The following ODAD1 variants were observed in gnomAD, a reference collection of about 807,000 sequenced individuals.
The protein encoded by ODAD1 is outer dynein arm docking complex subunit 1.
In ODAD1, 49 loss-of-function variants were observed where a neutral mutation model predicts 67.2. The ratio of observed to expected loss-of-function variants is 0.73; its 90% confidence interval spans 0.58 to 0.92. The LOEUF (loss-of-function observed/expected upper bound fraction) is 0.92. ODAD1 is among the 40% of genes least tolerant of loss of function. The pLI, the probability that ODAD1 is intolerant of heterozygous loss-of-function variation, is 0.00. For synonymous variants in ODAD1, 345 were observed against 393.7 expected (o/e 0.88, Z 1.46); for missense variants, 897 against 953.7 (o/e 0.94, Z 0.78).
chr19:48,318,343 C>A, intron 5 of ODAD1, 44 bp downstream of exon 5: 1 of 1,514,414 alleles, frequency 6.6e-7, no homozygotes. Flanking sequence ...GGTTACAACA[C>A]TTGCCCGTAA....
At chr19:48,311,843 T>C (rs1460110524) in intron 6 of ODAD1, 151 bp downstream of exon 6, 1 of 815,254 alleles carries the variant, frequency 1.2e-6, no homozygotes, top group Non-Finnish European at 1.9e-6. Context: ...CCCATCATTC[T>C]CCTTTCCTTG....
Position 48,301,531 on chromosome 19 carries a change from TTTTGGTAACTAAGACTAAGAAGAAA to T in ODAD1, c.1240+1138_1240+1162del, listed in dbSNP as rs752584680. Among the ~76,000 whole-genome samples, 7 of 152,340 alleles carry T rather than the reference TTTTGGTAACTAAGACTAAGAAGAAA, an allele frequency of 4.6e-5. No homozygotes were observed. The South Asian group carries it at 6.2e-4, about 14-fold the overall frequency. ...TCATTTTCTTTACAAATAATAACAT[TTTTGGTAACTAAGACTAAGAAGAAA>T]TTTGGTAACTAAGACTAAGAAGAAA... On this transcript the variant is annotated intron_variant, in intron 12 of 15. Coordinates refer to ENST00000674294, the MANE Select transcript of ODAD1 (RefSeq NM_001364171.2).
rs776150959 is a variant in ODAD1, at chr19:48,298,270, G to A, written c.1311C>T (p.Thr437=). 6.2e-7 allele frequency: 1 copy of A among 1,614,170 alleles called. No homozygotes were observed. ...SMIDDLLGVK[T]SMGDRDMGLF... is the part of the protein sequence containing the mutation. ...GGCCCATGTCCCGGTCTCCCATGCT[G>A]GTCTTGACCCCAAGGAGGTCATCGA... Residue 437 remains threonine (T), a synonymous_variant, in exon 13 of 16, where the codon ACC becomes ACT. Transcript: ENST00000674294.
In ODAD1 at chr19:48,302,713, C is replaced by T; in HGVS notation, c.1221G>A (p.Gln407=). The T allele has an allele frequency of 6.2e-7, 1 of 1,611,298 alleles. No individual in the cohort carries two copies. The highest frequency in any genetic ancestry group is 8.5e-7 in the Non-Finnish European group (1 of 1,179,878). Residue 407 remains glutamine, a synonymous_variant, in exon 12 of 16, where the codon CAG becomes CAA. Coordinates refer to ENST00000674294, the MANE Select transcript of ODAD1 (RefSeq NM_001364171.2). The part of the protein sequence containing the change: ...LEARFQDVRG[Q]LEKLKADIQL... ...GCTCACCAGCCTTGAGCTTCTCCAGCTGTCCCCGCACATCCTGGAAGCGGG... is the reference window on the plus strand; with the variant it reads ...GCTCACCAGCCTTGAGCTTCTCCAGTTGTCCCCGCACATCCTGGAAGCGGG...
intron 8 of ODAD1, 85 bp downstream of exon 8, chr19:48,306,171 C>A: frequency 1.3e-6 from 2 of 1,538,268 alleles, no homozygotes; most frequent in Non-Finnish European, 1.8e-6. Flanking sequence ...TTTCATGAGT[C>A]CTGAACCTTC....
In ODAD1 at chr19:48,306,351, G is replaced by A. The variant is rs1361928813; in HGVS notation, c.598-28C>T. The A allele has an allele frequency of 5.2e-6, 8 of 1,537,476 alleles. No individual in the cohort carries two copies. In the South Asian group the frequency reaches 7.2e-5, roughly 14 times the overall value. On this transcript the variant is annotated intron_variant, in intron 7 of 15. Coordinates refer to ENST00000674294, the MANE Select transcript of ODAD1 (RefSeq NM_001364171.2). ...GTGGGGGGAGGAGAAAAAAATCAGT[G>A]CCACTTCTTACAACCCCATTGCTCG...
intron 8 of ODAD1, among the ~76,000 whole-genome samples, chr19:48,304,629 AAAGAC>A (rs1037709340): frequency 1.3e-5 from 2 of 152,004 alleles, no homozygotes; most frequent in Non-Finnish European, 2.9e-5. Context: ...AAAAAAAAAA[AAAGAC>A]AGAAGCAAGA....
Position 48,318,395 on chromosome 19 carries a change from C to A in ODAD1, c.352G>T (p.Asp118Tyr). The stretch of plus-strand genomic sequence containing the variant: ...CACCTCTCAAACCCCACCTGCTTGT[C>A]CAGGGCCCTGGTCTGCTCCTGCAGC... ...EELQEQTRAL[D>Y]KQIQEWETRI... Residue 118 changes from aspartate (D) to tyrosine (Y), a missense_variant, in exon 5 of 16, where the codon GAC becomes TAC. Physicochemically the swap from Asp to Tyr is radical, Grantham distance 160. Transcript: ENST00000674294. The A allele has an allele frequency of 6.4e-7, 1 of 1,551,272 alleles. No individual in the cohort carries two copies. The highest frequency in any genetic ancestry group is 8.7e-7 in the Non-Finnish European group (1 of 1,146,754).
chr19:48,303,359 C>T, intron 10 of ODAD1: 1 of 604,970 alleles, frequency 1.7e-6, no homozygotes, highest in Non-Finnish European at 2.9e-6. Flanking sequence ...TGGGGAGATG[C>T]AGGCGGGGAG....
intron 3 of ODAD1, among the ~76,000 whole-genome samples, chr19:48,319,169 C>T (rs752032461): frequency 3.9e-5 from 6 of 152,046 alleles, no homozygotes; most frequent in Non-Finnish European, 8.8e-5. Flanking sequence ...CCCTCAGCCC[C>T]ATCCTCTTGC....
intron 8 of ODAD1, among the ~76,000 whole-genome samples, chr19:48,305,921 C>T (rs1329711965): frequency 1.3e-5 from 2 of 151,796 alleles, no homozygotes; most frequent in Admixed American, 6.6e-5. Context: ...TAGCCAGCCA[C>T]GGTGCCGGGC....
intron 5 of ODAD1, among the ~76,000 whole-genome samples, chr19:48,315,366 G>A (rs995959550): frequency 3.3e-5 from 5 of 152,132 alleles, no homozygotes; most frequent in African/African-American, 1.2e-4. Flanking sequence ...CCAACATGGC[G>A]AAACCCCGTC....
chr19:48,321,599 C>CG (rs1569014467), intron 1 of ODAD1, 79 bp downstream of exon 1: 1 of 369,428 alleles, frequency 2.7e-6, no homozygotes, highest in East Asian at 3.8e-5. Context: ...GCGGGCTAAT[C>CG]GGGAGGCGCT....
chr19:48,297,542 C>T, intron 15 of ODAD1, 24 bp from the exon 16 acceptor site: 1 of 1,597,556 alleles, frequency 6.3e-7, no homozygotes, highest in Non-Finnish European at 8.5e-7. Context: ...GAACTGGGCC[C>T]CGACACACAC....
In ODAD1 at chr19:48,318,706, A is replaced by G; in HGVS notation, c.170+7T>C. 6.5e-7 allele frequency: 1 copy of G among 1,548,016 alleles called. No individual in the cohort carries two copies. On this transcript the variant is annotated splice_region_variant and intron_variant, in intron 4 of 15. Coordinates refer to ENST00000674294, the MANE Select transcript of ODAD1 (RefSeq NM_001364171.2). Reference sequence around the variant, plus strand: ...TCCCCAGCTCAGGGCCCAGGCGCCCAGCTCACAGTTGCTTGTTGATGCGCT... The same window carrying G: ...TCCCCAGCTCAGGGCCCAGGCGCCCGGCTCACAGTTGCTTGTTGATGCGCT...
chr19:48,317,774 G>A (rs1316847302), intron 5 of ODAD1, among the ~76,000 whole-genome samples: 1 of 151,744 alleles, frequency 6.6e-6, no homozygotes, highest in Non-Finnish European at 1.5e-5. Flanking sequence ...TGCCCCCCGG[G>A]TTTAAACGAT....
chr19:48,298,018 A>G lies in ODAD1; in HGVS notation c.1484T>C (p.Leu495Pro). ...LEDLPKKMAP[L>P]QPPDTLEDPP... The stretch of plus-strand genomic sequence containing the variant: ...GCCTCACAGAGTGTCAGGGGGCTGA[A>G]GTGGGGCCATCTTCTTCGGAAGGTC... Residue 495 changes from leucine (L) to proline (P), a missense_variant, in exon 14 of 16, where the codon CTT (leucine) becomes CCT (proline). Physicochemically the swap from Leu to Pro is moderately conservative, Grantham distance 98. Transcript: ENST00000674294. 6.2e-7 allele frequency: 1 copy of G among 1,613,122 alleles called. No homozygotes were observed. Among genetic ancestry groups the G allele is most frequent in the South Asian group, 1.1e-5 (1 of 91,052 alleles).
At chr19:48,308,317 G>A (rs949774484) in intron 7 of ODAD1, among the ~76,000 whole-genome samples, 2 of 152,044 alleles carry the variant, frequency 1.3e-5, no homozygotes, top group African/African-American at 4.8e-5. Context: ...TGGGATTACA[G>A]GCGTGCACCA....
intron 7 of ODAD1, among the ~76,000 whole-genome samples, chr19:48,309,583 T>A (rs1157580213): frequency 6.6e-6 from 1 of 152,154 alleles, no homozygotes. Context: ...CACGCTCCAC[T>A]TGTCTGCCTA....
Sources: allele counts gnomAD v4.1 joint callset (sites outside exome capture counted in the v4.1 genomes callset), GRCh38; gene constraint gnomAD v4.1.1; transcripts MANE v1.5; gene names NCBI Gene and HGNC (gene_info 2026-07-23, HGNC 2026-07-21).